Variants in DCLRE1C observed in about 807,000 individuals in gnomAD.
DCLRE1C encodes the protein DNA cross-link repair 1C, also known as protein artemis.
DCLRE1C carries 47 observed loss-of-function variants against 61.4 expected under a neutral mutation model. That is an observed-to-expected ratio of 0.77 (90% confidence interval 0.61 to 0.98). DCLRE1C has a LOEUF of 0.98. Ranked by LOEUF, DCLRE1C falls within the 50% of genes least tolerant of loss-of-function variation. DCLRE1C has a pLI of 0.00. For missense variants in DCLRE1C, 858 were observed against 816.0 expected (o/e 1.05, Z -0.63); for synonymous variants, 337 against 287.6 (o/e 1.17, Z -1.74).
At chr10:14,944,542 G>T (rs1841365373) in intron 3 of DCLRE1C, among the ~76,000 whole-genome samples, 1 of 151,812 alleles carries the variant, frequency 6.6e-6, no homozygotes, top group South Asian at 2.1e-4. Context: ...TTAGCAAGAG[G>T]GTCAATGAGA....
chr10:14,930,679 C>T (rs1055754452), intron 9 of DCLRE1C, among the ~76,000 whole-genome samples: 8 of 152,278 alleles, frequency 5.3e-5, no homozygotes, highest in Middle Eastern at 3.4e-3. Context: ...GTGATCCACA[C>T]GCCTCGGCCT....
intron 12 of DCLRE1C, among the ~76,000 whole-genome samples, chr10:14,922,232 G>A (rs1241191765): frequency 6.6e-6 from 1 of 152,096 alleles, no homozygotes; most frequent in Non-Finnish European, 1.5e-5. Context: ...CTTGAGCTCG[G>A]GAGTTCGAGA....
intron 11 of DCLRE1C, 70 bp downstream of exon 11, chr10:14,926,773 A>G: frequency 8.2e-7 from 1 of 1,213,220 alleles, no homozygotes; most frequent in Non-Finnish European, 1.2e-6. Context: ...GAGTCAGGGG[A>G]CTACCTGTCA....
At chr10:14,919,906 CA>C in intron 12 of DCLRE1C, 74 bp from the exon 13 acceptor site, 1 of 1,253,182 alleles carries the variant, frequency 8.0e-7, no homozygotes, top group Non-Finnish European at 1.2e-6. Context: ...GATAGTATTA[CA>C]AATTTTTTTG....
chr10:14,938,048 A>T (rs939362749), intron 4 of DCLRE1C, among the ~76,000 whole-genome samples: 1 of 152,102 alleles, frequency 6.6e-6, no homozygotes, highest in South Asian at 2.1e-4. Context: ...ACACCAGGTC[A>T]CTGCTCAGTG....
rs2130742136 is a variant in DCLRE1C, at chr10:14,919,760, A to G, written c.1134T>C (p.Ala378=). The G allele has an allele frequency of 6.2e-7, 1 of 1,613,860 alleles. No individual in the cohort carries two copies. Among genetic ancestry groups the G allele is most frequent in the Non-Finnish European group, 8.5e-7 (1 of 1,179,840 alleles). The change falls in exon 13 of 14, where the codon GCT becomes GCC. Residue 378 remains alanine, a synonymous_variant. Coordinates refer to ENST00000378278, the MANE Select transcript of DCLRE1C (RefSeq NM_001033855.3). ...KYKPLGKLKR[A]RTVHRDSEEE... ...TACCTGAGTCTCGGTGAACTGTTCT[A>G]GCTCTCTTCAGTTTTCCCAGTGGTT...
At chr10:14,951,388 T>G (rs1842430138) in intron 1 of DCLRE1C, among the ~76,000 whole-genome samples, 1 of 34,538 alleles carries the variant, frequency 2.9e-5, no homozygotes, top group Non-Finnish European at 4.6e-5. Flanking sequence ...AAACCCTGTC[T>G]CAAAAAAAAA....
chr10:14,928,495 C>G (rs994312500), intron 9 of DCLRE1C, among the ~76,000 whole-genome samples: 2 of 152,162 alleles, frequency 1.3e-5, no homozygotes, highest in Non-Finnish European at 1.5e-5. Context: ...ATTCTACAAG[C>G]TATAAAGGAC....
chr10:14,950,536 T>G (rs906175135), intron 1 of DCLRE1C, among the ~76,000 whole-genome samples: 1 of 152,102 alleles, frequency 6.6e-6, no homozygotes, highest in Non-Finnish European at 1.5e-5. Context: ...AGCCCTTGAT[T>G]GTATATATGC....
At chr10:14,947,682 A>C (rs1161217608) in intron 2 of DCLRE1C, 1 of 152,220 alleles carries the variant, frequency 6.6e-6, no homozygotes, top group African/African-American at 2.4e-5. Flanking sequence ...GTCAGGTACA[A>C]GTGTGCAGAG....
At chr10:14,899,619 T>C (rs1833856223), downstream of DCLRE1C, 1 of 1,614,186 alleles carries the variant, frequency 6.2e-7, no homozygotes. Flanking sequence ...ATCTGGACTA[T>C]GAGTCTGATG....
intron 4 of DCLRE1C, among the ~76,000 whole-genome samples, chr10:14,938,742 T>C (rs142562132): frequency 0.019 from 2,932 of 152,290 alleles, 47 homozygotes; most frequent in Middle Eastern, 0.044. Context: ...AGTACAATAT[T>C]CATGAATTAC....
rs1372018201 is a variant in DCLRE1C, at chr10:14,908,340, T to G, written c.*68A>C. 1.6e-6 allele frequency: 2 copies of G among 1,230,964 alleles called. No individual in the cohort carries two copies. 76.3% of individuals were successfully genotyped at this position (1,230,964 alleles called of 1,614,324 possible). The stretch of plus-strand genomic sequence containing the variant: ...TTTTTAAGTACTGTATTTTCTCTAT[T>G]GTAATATTGACTGTCATCTCTGTGC... On this transcript the variant is annotated 3_prime_UTR_variant, in exon 14 of 14. Coordinates refer to ENST00000378278, the MANE Select transcript of DCLRE1C (RefSeq NM_001033855.3).
At position 14,908,367 on chromosome 10, in the gene DCLRE1C, G is replaced by T; in HGVS notation, c.*41C>A. On this transcript the variant is annotated 3_prime_UTR_variant, in exon 14 of 14. Transcript: ENST00000378278. Reference sequence around the variant, plus strand: ...TAATATTGACTGTCATCTCTGTGCAGGTTTTTTAGTGGTTGCTCTAGGTTG... The same window carrying T: ...TAATATTGACTGTCATCTCTGTGCATGTTTTTTAGTGGTTGCTCTAGGTTG... 6.8e-7 allele frequency: 1 copy of T among 1,463,376 alleles called. No homozygotes were observed. The highest frequency in any genetic ancestry group is 1.4e-5 in the African/African-American group (1 of 71,754). The allele number at this position is 1,463,376 out of a possible 1,614,324, so 90.6% of individuals were successfully genotyped here.
At chr10:14,951,093 G>A (rs1386721939) in intron 1 of DCLRE1C, among the ~76,000 whole-genome samples, 1 of 152,086 alleles carries the variant, frequency 6.6e-6, no homozygotes, top group Admixed American at 6.5e-5. Context: ...AAAATGTGAT[G>A]TGGGGCTGGG....
chr10:14,943,099 C>T lies in DCLRE1C; in HGVS notation c.246+2006G>A, dbSNP rs1028607913. Among the ~76,000 whole-genome samples, 4 of 152,200 alleles carry T rather than the reference C, an allele frequency of 2.6e-5. 1 individual carries two copies. The highest frequency in any genetic ancestry group is 9.6e-5 in the African/African-American group (4 of 41,532). On this transcript the variant is annotated intron_variant, in intron 3 of 13. Transcript: ENST00000378278. ...CTGAGATCACGCCTCTGCGCTCCAG[C>T]CTGTGACAGAGTGAGACTATCTCAA...
chr10:14,929,432 A>AAG lies in DCLRE1C; in HGVS notation c.781-1281_781-1280insCT, dbSNP rs568302874. Among the ~76,000 whole-genome samples the AAG allele has an allele frequency of 5.0e-4, 76 of 150,724 alleles. No homozygotes were observed. In the South Asian group the frequency reaches 0.012, roughly 23 times the overall value. ...AAACCATTTTTTTTTAATTAAAAAA[A>AAG]AAAAAAAGATCTCAGCCTGGGCAAT... is the stretch of plus-strand genomic sequence containing the variant. On this transcript the variant is annotated intron_variant, in intron 9 of 13. Transcript: ENST00000378278.
At chr10:14,953,873 G>A in intron 1 of DCLRE1C, 29 bp downstream of exon 1, 2 of 1,613,072 alleles carry the variant, frequency 1.2e-6, no homozygotes, top group Non-Finnish European at 1.7e-6. Context: ...CAGCGCCCCG[G>A]GAGCGGGCGA....
intron 9 of DCLRE1C, among the ~76,000 whole-genome samples, chr10:14,931,715 A>C (rs1839027823): frequency 6.6e-6 from 1 of 152,118 alleles, no homozygotes; most frequent in Non-Finnish European, 1.5e-5. Context: ...GTAGAAGAAA[A>C]AGTTTATAAA....
Sources: gnomAD v4.1 joint callset for allele counts (sites outside exome capture counted in the v4.1 genomes callset) on GRCh38, gnomAD v4.1.1 for gene constraint, MANE v1.5 for transcripts, NCBI Gene and HGNC (gene_info 2026-07-23, HGNC 2026-07-21) for gene names.